Variants in CRPPA observed in about 807,000 individuals in gnomAD.
The protein encoded by CRPPA is CDP-L-ribitol pyrophosphorylase A.
In CRPPA, 43 loss-of-function variants were observed where a neutral mutation model predicts 52.0. That is an observed-to-expected ratio of 0.83 (90% CI 0.65 to 1.07). The LOEUF is 1.07. CRPPA is among the 50% of genes least tolerant of loss of function. The probability of loss-of-function intolerance (pLI) is 0.00; values close to 1 mark genes in which losing one functional copy is unlikely to be tolerated. For missense variants in CRPPA, 629 were observed against 551.7 expected (o/e 1.14, Z -1.40); for synonymous variants, 250 against 203.5 (o/e 1.23, Z -1.94).
intron 8 of CRPPA, among the ~76,000 whole-genome samples, chr7:16,247,209 C>G (rs528142110): frequency 3.2e-4 from 49 of 152,350 alleles, no homozygotes; most frequent in African/African-American, 1.1e-3. Context: ...AACTCTTCTT[C>G]TGTAACTTCT....
intron 8 of CRPPA, among the ~76,000 whole-genome samples, chr7:16,237,068 G>A (rs544068658): frequency 7.4e-4 from 112 of 152,050 alleles, no homozygotes; most frequent in Non-Finnish European, 1.4e-3. Flanking sequence ...AAACCACAAA[G>A]TTCCCTCTCT....
intron 8 of CRPPA, among the ~76,000 whole-genome samples, chr7:16,246,922 C>T (rs865955919): frequency 1.2e-4 from 19 of 152,322 alleles, no homozygotes; most frequent in Middle Eastern, 3.4e-3. Context: ...TCACTAGCTG[C>T]ATTAGCTCCT....
intron 3 of CRPPA, among the ~76,000 whole-genome samples, chr7:16,317,894 C>T (rs1785181741): frequency 6.6e-6 from 1 of 152,146 alleles, no homozygotes; most frequent in South Asian, 2.1e-4. Flanking sequence ...TGTCCATACC[C>T]TCACCAACAT....
At chr7:16,238,696 G>A (rs1422091308) in intron 8 of CRPPA, among the ~76,000 whole-genome samples, 1 of 152,086 alleles carries the variant, frequency 6.6e-6, no homozygotes, top group Non-Finnish European at 1.5e-5. Context: ...CTTGAAATAG[G>A]AATACCATAT....
intron 3 of CRPPA, among the ~76,000 whole-genome samples, chr7:16,334,102 C>T: frequency 6.6e-6 from 1 of 152,140 alleles, no homozygotes; most frequent in Non-Finnish European, 1.5e-5. Flanking sequence ...ACTCATGGAT[C>T]TTGGTGGTTG....
At chr7:16,371,983 C>A (rs1386381296) in intron 3 of CRPPA, among the ~76,000 whole-genome samples, 3 of 151,722 alleles carry the variant, frequency 2.0e-5, no homozygotes, top group African/African-American at 7.3e-5. Context: ...GAAGACAAAG[C>A]TTTTGAATTA....
Position 16,275,810 on chromosome 7 carries a change from C to T in CRPPA, c.933+2319G>A, listed in dbSNP as rs114337276. Among the ~76,000 whole-genome samples the T allele has an allele frequency of 5.3e-3, 796 of 149,834 alleles. 10 individuals are homozygous for T. The highest frequency in any genetic ancestry group is 0.018 in the African/African-American group (742 of 40,736). On this transcript the variant is annotated intron_variant, in intron 6 of 9. Transcript: ENST00000407010. ...CCATGATAGTACCAAGACCCTGTCT[C>T]GGAAAAAAACAAAAACAAAAACAAA...
intron 5 of CRPPA, among the ~76,000 whole-genome samples, chr7:16,281,317 A>T (rs1466185314): frequency 1.3e-5 from 2 of 151,932 alleles, no homozygotes; most frequent in Non-Finnish European, 2.9e-5. Flanking sequence ...CCACTTATAA[A>T]TTGATTTTTA....
At chr7:16,141,114 A>C (rs1782861083) in intron 9 of CRPPA, among the ~76,000 whole-genome samples, 1 of 152,144 alleles carries the variant, frequency 6.6e-6, no homozygotes, top group Non-Finnish European at 1.5e-5. Flanking sequence ...CCTCTGACCA[A>C]ATCCAGGCTG....
At chr7:16,385,248 C>A (rs1284547964) in intron 2 of CRPPA, among the ~76,000 whole-genome samples, 3 of 151,668 alleles carry the variant, frequency 2.0e-5, no homozygotes, top group Non-Finnish European at 4.4e-5. Flanking sequence ...AAAAAAAATT[C>A]AAGGAAATGA....
chr7:16,231,478 G>C (rs994854297), intron 8 of CRPPA, among the ~76,000 whole-genome samples: 2 of 152,090 alleles, frequency 1.3e-5, no homozygotes, highest in Non-Finnish European at 1.5e-5. Context: ...ATTATGATTT[G>C]TGGTCATATA....
rs542418038 is a variant in CRPPA at position 16,123,566 on chromosome 7, C to A, written c.1252-31767G>T. Among the ~76,000 whole-genome samples the A allele has an allele frequency of 2.0e-5, 3 of 152,186 alleles. No individual in the cohort carries two copies. In the South Asian group the frequency reaches 6.2e-4, roughly 32 times the overall value. Reference sequence around the variant, plus strand: ...TTTATAGCTCTTAGCAGGGGACCACCCAACATGCTAGGCCACCCAGTAAAT... The same window carrying A: ...TTTATAGCTCTTAGCAGGGGACCACACAACATGCTAGGCCACCCAGTAAAT... On this transcript the variant is annotated intron_variant, in intron 9 of 9. Coordinates refer to ENST00000407010, the MANE Select transcript of CRPPA (RefSeq NM_001101426.4).
chr7:16,308,449 T>C (rs1172465840), intron 4 of CRPPA, 74 bp downstream of exon 4: 3 of 797,422 alleles, frequency 3.8e-6, no homozygotes, highest in Non-Finnish European at 6.5e-6. Flanking sequence ...AATGCACTAC[T>C]GGTTTTAAAT....
At chr7:16,209,759 C>G (rs1313560389) in intron 9 of CRPPA, among the ~76,000 whole-genome samples, 1 of 152,086 alleles carries the variant, frequency 6.6e-6, no homozygotes, top group Non-Finnish European at 1.5e-5. Flanking sequence ...CGCTACTAAA[C>G]AAAATATTCA....
chr7:16,306,528 A>G (rs1784915475), intron 4 of CRPPA, among the ~76,000 whole-genome samples: 1 of 152,216 alleles, frequency 6.6e-6, no homozygotes, highest in South Asian at 2.1e-4. Flanking sequence ...ACAGATCTCA[A>G]GAGTGCTTTA....
intron 9 of CRPPA, among the ~76,000 whole-genome samples, chr7:16,131,952 C>T (rs1246948641): frequency 2.0e-5 from 3 of 152,090 alleles, no homozygotes; most frequent in Non-Finnish European, 4.4e-5. Context: ...GGTATAGGAC[C>T]GAAGCCAGTA....
At chr7:16,150,522 T>C (rs760061101) in intron 9 of CRPPA, among the ~76,000 whole-genome samples, 12 of 152,124 alleles carry the variant, frequency 7.9e-5, no homozygotes, top group Admixed American at 1.3e-4. Context: ...ATTGTTTTCA[T>C]CCCACATCAA....
Position 16,331,799 on chromosome 7 carries a change from G to C in CRPPA, c.685-23172C>G, listed in dbSNP as rs543637315. 1.2e-3 allele frequency among the ~76,000 whole-genome samples: 182 copies of C among 152,200 alleles called. 1 individual carries two copies. Among genetic ancestry groups the C allele is most frequent in the African/African-American group, 3.8e-3 (157 of 41,536 alleles). ...TATCTTAATAGAAACCTCTGAAAGT[G>C]AGAAGTAAAGATAATGAAGACCAAA... On this transcript the variant is annotated intron_variant, in intron 3 of 9. Coordinates refer to ENST00000407010, the MANE Select transcript of CRPPA (RefSeq NM_001101426.4).
intron 5 of CRPPA, among the ~76,000 whole-genome samples, chr7:16,279,245 C>A (rs1784269690): frequency 6.6e-6 from 1 of 152,128 alleles, no homozygotes; most frequent in South Asian, 2.1e-4. Context: ...GCAATAGCTA[C>A]TAATTATTTC....
Sources: allele counts gnomAD v4.1 joint callset (sites outside exome capture counted in the v4.1 genomes callset), GRCh38; gene constraint gnomAD v4.1.1; transcripts MANE v1.5; gene names NCBI Gene and HGNC (gene_info 2026-07-23, HGNC 2026-07-21).